CDKN2B-AS1: variants seen among roughly 807,000 people sequenced by gnomAD.
The protein encoded by CDKN2B-AS1 is CDKN2B antisense RNA 1 (non-protein coding).
At chr9:22,083,176 A>G (rs1325705704) in intron 4 of CDKN2B-AS1, among the ~76,000 whole-genome samples, 3 of 152,230 alleles carry the variant, frequency 2.0e-5, no homozygotes, top group Non-Finnish European at 2.9e-5. Context: ...TTCTCATGAG[A>G]AAATTGCATC....
At chr9:22,037,443 G>A (rs779400441) in intron 1 of CDKN2B-AS1, among the ~76,000 whole-genome samples, 11 of 151,474 alleles carry the variant, frequency 7.3e-5, no homozygotes, top group Admixed American at 3.3e-4. Context: ...AATCTACATC[G>A]GCTTCTAGTT....
At chr9:22,069,515 C>G (rs1343263882) in intron 4 of CDKN2B-AS1, among the ~76,000 whole-genome samples, 1 of 151,720 alleles carries the variant, frequency 6.6e-6, no homozygotes, top group Admixed American at 6.6e-5. Flanking sequence ...TTCTTTTTTG[C>G]TTTTTATTTA....
At chr9:22,123,590 C>T (rs1340885718) in intron 4 of CDKN2B-AS1, among the ~76,000 whole-genome samples, 2 of 151,864 alleles carry the variant, frequency 1.3e-5, no homozygotes, top group Admixed American at 1.3e-4. Context: ...GCAGGTGCTG[C>T]TATTAGGATG....
intron 4 of CDKN2B-AS1, among the ~76,000 whole-genome samples, chr9:22,069,042 C>A (rs913761766): frequency 6.6e-6 from 1 of 152,194 alleles, no homozygotes; most frequent in Non-Finnish European, 1.5e-5. Context: ...AATGGTTAGT[C>A]CCCTGTCATT....
intron 1 of CDKN2B-AS1, chr9:22,009,211 G>A: frequency 3.3e-6 from 2 of 601,210 alleles, no homozygotes; most frequent in Non-Finnish European, 5.9e-6. Context: ...GGGAAAAAGC[G>A]CCTAGCGCGG....
chr9:22,112,826 A>G (rs1414795580), intron 4 of CDKN2B-AS1, among the ~76,000 whole-genome samples: 4 of 152,190 alleles, frequency 2.6e-5, no homozygotes, highest in Admixed American at 6.5e-5. Context: ...CTTCTTAAAA[A>G]AATGAGTAAA....
intron 4 of CDKN2B-AS1, among the ~76,000 whole-genome samples, chr9:22,085,264 G>A (rs1045399062): frequency 1.3e-5 from 2 of 152,106 alleles, no homozygotes; most frequent in African/African-American, 2.4e-5. Context: ...TGAGGTAAAG[G>A]AAATCTCACC....
rs368814059 is a variant in CDKN2B-AS1, at chr9:22,003,180, G to A, written n.29+8019G>A. 2.5e-4 allele frequency: 54 copies of A among 216,044 alleles called. No individual in the cohort carries two copies. The East Asian group carries it at 3.2e-3, about 13-fold the overall frequency. 13.4% of individuals were successfully genotyped at this position (216,044 alleles called of 1,614,324 possible). A position where few individuals can be genotyped will look rare whatever the true frequency, so the allele number is the denominator to read the frequency against. ...CTAAACCTGTCTGCCAGGTGGCTTCGAAAATGGAATTAATTTTTACATGGC... is the reference window on the plus strand; with the variant it reads ...CTAAACCTGTCTGCCAGGTGGCTTCAAAAATGGAATTAATTTTTACATGGC... On this transcript the variant is annotated intron_variant and non_coding_transcript_variant, in intron 1 of 4. Coordinates refer to ENST00000650946, the Ensembl canonical transcript of CDKN2B-AS1.
rs189873673 is a variant in CDKN2B-AS1, at chr9:22,002,259, G to C, written n.29+7098G>C. 8.5e-5 allele frequency among the ~76,000 whole-genome samples: 13 copies of C among 152,098 alleles called. No homozygotes were observed. In the East Asian group the frequency reaches 2.5e-3, roughly 29 times the overall value. ...TTAGAAGATACTGGCTTTCACATTT[G>C]CCCCAGTAGGTAGTTCACATGAGTG... On this transcript the variant is annotated intron_variant and non_coding_transcript_variant, in intron 1 of 4. Coordinates refer to ENST00000650946, the Ensembl canonical transcript of CDKN2B-AS1.
chr9:22,109,744 T>C (rs997472809), intron 4 of CDKN2B-AS1, among the ~76,000 whole-genome samples: 4 of 152,160 alleles, frequency 2.6e-5, no homozygotes, highest in African/African-American at 9.7e-5. Context: ...AAGAGATCAT[T>C]CAAAAGTATT....
At chr9:22,019,465 G>T (rs1490839413) in intron 1 of CDKN2B-AS1, among the ~76,000 whole-genome samples, 1 of 152,182 alleles carries the variant, frequency 6.6e-6, no homozygotes, top group Non-Finnish European at 1.5e-5. Flanking sequence ...GGAGATGGAA[G>T]ATGAGGGAAG....
intron 1 of CDKN2B-AS1, among the ~76,000 whole-genome samples, chr9:22,014,900 G>A (rs1195908195): frequency 6.6e-6 from 1 of 151,650 alleles, no homozygotes; most frequent in African/African-American, 2.4e-5. Context: ...TGAGAATAAT[G>A]ATTTCCAATT....
At chr9:22,102,838 G>C (rs1435852168) in intron 4 of CDKN2B-AS1, among the ~76,000 whole-genome samples, 1 of 152,132 alleles carries the variant, frequency 6.6e-6, no homozygotes, top group Non-Finnish European at 1.5e-5. Flanking sequence ...GCCTAACAAG[G>C]GTGTGGCCAG....
intron 1 of CDKN2B-AS1, among the ~76,000 whole-genome samples, chr9:22,031,956 C>T (rs1428076064): frequency 1.3e-5 from 2 of 152,204 alleles, no homozygotes; most frequent in Non-Finnish European, 2.9e-5. Flanking sequence ...TAAACAGATG[C>T]CCTCAGTTCA....
Position 22,003,592 on chromosome 9 carries a change from T to C in CDKN2B-AS1, n.29+8431T>C, listed in dbSNP as rs185130567. 906 of 229,426 alleles carry C rather than the reference T, an allele frequency of 3.9e-3. 4 individuals are homozygous for C. The highest frequency in any genetic ancestry group is 5.7e-3 in the Non-Finnish European group (661 of 115,758). 14.2% of individuals were successfully genotyped at this position (229,426 alleles called of 1,614,324 possible). ...TTTTATATAGAATGTTTTCTAATAA[T>C]TGTAAAATACTGTAACTTTAAAAAT... On this transcript the variant is annotated intron_variant and non_coding_transcript_variant, in intron 1 of 4. Transcript: ENST00000650946.
chr9:22,076,375 A>G (rs1197360457), intron 4 of CDKN2B-AS1, among the ~76,000 whole-genome samples: 1 of 152,168 alleles, frequency 6.6e-6, no homozygotes, highest in African/African-American at 2.4e-5. Flanking sequence ...AAACAAAGAA[A>G]TAAAAATAAT....
chr9:22,107,539 C>T (rs1825691864), intron 4 of CDKN2B-AS1, among the ~76,000 whole-genome samples: 1 of 152,204 alleles, frequency 6.6e-6, no homozygotes, highest in Non-Finnish European at 1.5e-5. Context: ...TCCTTTCCCA[C>T]ACCCCGAGTC....
In CDKN2B-AS1 at chr9:22,000,021, T is replaced by G. The variant is rs561329793; in HGVS notation, n.29+4860T>G. 6.6e-6 allele frequency among the ~76,000 whole-genome samples: 1 copy of G among 152,256 alleles called. No individual in the cohort carries two copies. Among genetic ancestry groups the G allele is most frequent in the East Asian group, 1.9e-4 (1 of 5,186 alleles). On this transcript the variant is annotated intron_variant and non_coding_transcript_variant, in intron 1 of 4. Coordinates refer to ENST00000650946, the Ensembl canonical transcript of CDKN2B-AS1. This position sits in a 1 kb window ranked among gnomAD's most constrained non-coding sequence, Gnocchi z 4.1. Reference sequence around the variant, plus strand: ...AATGAGGGTGGGAAAAATTTCAGATTTTTGCTTACTACTTTTTGCTTTCTG... The same window carrying G: ...AATGAGGGTGGGAAAAATTTCAGATGTTTGCTTACTACTTTTTGCTTTCTG...
chr9:22,058,451 A>C (rs1371751380), intron 4 of CDKN2B-AS1: 1 of 152,262 alleles, frequency 6.6e-6, no homozygotes, highest in Non-Finnish European at 1.5e-5. Flanking sequence ...GAATTATTAG[A>C]AACATTTTCT....
Sources: gnomAD v4.1 joint callset for allele counts (sites outside exome capture counted in the v4.1 genomes callset) on GRCh38, gnomAD v4.1.1 for gene constraint, Gnocchi (gnomAD v3.1) non-coding constraint, MANE v1.5 for transcripts, NCBI Gene and HGNC (gene_info 2026-07-23, HGNC 2026-07-21) for gene names.